The following RNF130 variants were observed in gnomAD, a reference collection of about 807,000 sequenced individuals.
RNF130 encodes the protein E3 ubiquitin-protein ligase RNF130.
A neutral mutation model predicts 44.6 loss-of-function variants in RNF130; 21 were observed. The ratio of observed to expected loss-of-function variants is 0.47; its 90% CI spans 0.33 to 0.68. The LOEUF (loss-of-function observed/expected upper bound fraction) is 0.68, where lower values mean the gene tolerates loss of function less well. Ranked by LOEUF, RNF130 falls within the 30% of genes least tolerant of loss-of-function variation. The pLI, the probability that RNF130 is intolerant of heterozygous loss-of-function variation, is 0.02. For synonymous variants in RNF130, 214 were observed against 210.4 expected, an observed-to-expected ratio of 1.02 and a Z score of -0.15; for missense variants, 479 against 560.6, an observed-to-expected ratio of 0.85 and a Z score of 1.47.
At chr5:180,025,306 A>T (rs1014983055) in intron 2 of RNF130, among the ~76,000 whole-genome samples, 6 of 152,304 alleles carry the variant, frequency 3.9e-5, no homozygotes, top group African/African-American at 1.4e-4. Context: ...TTTCAAACCC[A>T]TGTAGATCCT....
intron 3 of RNF130, among the ~76,000 whole-genome samples, chr5:180,001,772 T>C (rs1296021421): frequency 6.6e-6 from 1 of 151,994 alleles, no homozygotes; most frequent in Non-Finnish European, 1.5e-5. Context: ...GGACCCAGCA[T>C]GGGAGGGGAG....
At chr5:179,936,212 C>A (rs868371222) in intron 7 of RNF130, among the ~76,000 whole-genome samples, 37 of 152,264 alleles carry the variant, frequency 2.4e-4, no homozygotes, top group Admixed American at 5.2e-4. Context: ...GCCTTGACCT[C>A]CTGGGCTCAA....
At chr5:180,070,346 G>C (rs1296751644) in intron 1 of RNF130, among the ~76,000 whole-genome samples, 1 of 152,198 alleles carries the variant, frequency 6.6e-6, no homozygotes, top group Non-Finnish European at 1.5e-5. Flanking sequence ...TCAAAGCCTA[G>C]TCTGAGTTGC....
intron 3 of RNF130, among the ~76,000 whole-genome samples, chr5:179,999,649 G>A (rs143797837): frequency 0.012 from 1,867 of 152,186 alleles, 39 homozygotes; most frequent in African/African-American, 0.043. Flanking sequence ...CCCGGGAGGC[G>A]AAGGTTGCAG....
chr5:179,974,698 C>T (rs1192649491), intron 5 of RNF130, among the ~76,000 whole-genome samples: 1 of 152,148 alleles, frequency 6.6e-6, no homozygotes, highest in Non-Finnish European at 1.5e-5. Context: ...ACTTGGAGGG[C>T]GATGGCTTTG....
chr5:179,998,909 T>C (rs2113052814), intron 3 of RNF130, among the ~76,000 whole-genome samples: 1 of 133,060 alleles, frequency 7.5e-6, no homozygotes, highest in South Asian at 2.3e-4. Context: ...AGTGCTCCAG[T>C]GTTGGGTGTA....
At chr5:179,985,031 G>C (rs1019748789) in intron 3 of RNF130, among the ~76,000 whole-genome samples, 3 of 151,732 alleles carry the variant, frequency 2.0e-5, no homozygotes, top group Non-Finnish European at 4.4e-5. Flanking sequence ...GCTGCCCCTT[G>C]AACAACATGG....
At chr5:180,035,589 G>C (rs947181392) in intron 2 of RNF130, among the ~76,000 whole-genome samples, 1 of 152,200 alleles carries the variant, frequency 6.6e-6, no homozygotes, top group African/African-American at 2.4e-5. Context: ...CAATTACTAA[G>C]AGTAGGGTGT....
At chr5:179,929,392 C>A (rs1201024347) in intron 7 of RNF130, among the ~76,000 whole-genome samples, 3 of 152,130 alleles carry the variant, frequency 2.0e-5, no homozygotes, top group Non-Finnish European at 4.4e-5. Flanking sequence ...TATCTAAGTC[C>A]TTTTGCTTTA....
chr5:179,920,457 T>C lies in RNF130; in HGVS notation c.1151-31A>G, dbSNP rs987568042. On this transcript the variant is annotated intron_variant, in intron 7 of 7. Coordinates refer to the RNF130 transcript ENST00000522208. ...AAAGGAAGAAGAGAAAGAGACTTAA[T>C]AGGTCACCAGGCTTGTGTTTCTCAC... 21 of 700,366 alleles carry C rather than the reference T, an allele frequency of 3.0e-5. No individual in the cohort carries two copies. The East Asian group carries it at 3.8e-4, about 13-fold the overall frequency. 43.4% of individuals were successfully genotyped at this position (700,366 alleles called of 1,614,324 possible). A position where few individuals can be genotyped will look rare whatever the true frequency, so the allele number is the denominator to read the frequency against.
chr5:179,939,863 G>C, intron 7 of RNF130: 1 of 357,694 alleles, frequency 2.8e-6, no homozygotes, highest in Non-Finnish European at 5.4e-6. Flanking sequence ...GACATCATCT[G>C]AGTTATGGAG....
At chr5:180,048,289 A>T (rs1416098738) in intron 1 of RNF130, among the ~76,000 whole-genome samples, 2 of 152,214 alleles carry the variant, frequency 1.3e-5, no homozygotes, top group East Asian at 3.9e-4. Flanking sequence ...GGGAGTCTGT[A>T]GTCCGGTTTA....
intron 2 of RNF130, among the ~76,000 whole-genome samples, chr5:180,024,155 GA>G (rs1471794710): frequency 6.6e-6 from 1 of 152,108 alleles, no homozygotes; most frequent in Non-Finnish European, 1.5e-5. Flanking sequence ...CAAAAACAAG[GA>G]AAGTCTAAAA....
At chr5:179,921,549 G>C (rs559055330) in intron 7 of RNF130, among the ~76,000 whole-genome samples, 1 of 152,338 alleles carries the variant, frequency 6.6e-6, no homozygotes, top group East Asian at 1.9e-4. Context: ...TGTAATCCCA[G>C]CACTTTGGGA....
intron 3 of RNF130, among the ~76,000 whole-genome samples, chr5:179,987,093 G>A (rs1470930522): frequency 6.6e-6 from 1 of 152,044 alleles, no homozygotes; most frequent in African/African-American, 2.4e-5. Flanking sequence ...AACCTGAAAA[G>A]GGAGACAACT....
chr5:180,030,710 T>C (rs1401230500), intron 2 of RNF130, among the ~76,000 whole-genome samples: 1 of 152,226 alleles, frequency 6.6e-6, no homozygotes, highest in Non-Finnish European at 1.5e-5. Flanking sequence ...TGCCCAGCTC[T>C]ACCCTACACA....
chr5:179,926,542 G>A (rs1380233980), intron 7 of RNF130, among the ~76,000 whole-genome samples: 2 of 99,706 alleles, frequency 2.0e-5, no homozygotes, highest in African/African-American at 1.3e-4. Flanking sequence ...CCAGTTACTC[G>A]GGAGGCTGAG....
intron 2 of RNF130, among the ~76,000 whole-genome samples, chr5:180,030,599 C>A (rs1473819581): frequency 6.6e-6 from 1 of 152,108 alleles, no homozygotes; most frequent in Non-Finnish European, 1.5e-5. Context: ...GACTTGACCT[C>A]CTGGGGTCAA....
chr5:179,926,879 C>A (rs1056002580), intron 7 of RNF130, among the ~76,000 whole-genome samples: 1 of 152,118 alleles, frequency 6.6e-6, no homozygotes, highest in African/African-American at 2.4e-5. Flanking sequence ...AGCGTTGGAA[C>A]TGAATTGAAT....
Sources: allele counts gnomAD v4.1 joint callset (sites outside exome capture counted in the v4.1 genomes callset), GRCh38; gene constraint gnomAD v4.1.1; transcripts MANE v1.5; gene names NCBI Gene and HGNC (gene_info 2026-07-23, HGNC 2026-07-21).